SEC24A: variants seen among roughly 807,000 people sequenced by gnomAD.
SEC24A encodes SEC24 homolog A, COPII component, also known as protein transport protein Sec24A.
SEC24A carries 93 observed loss-of-function variants against 129.4 expected under a neutral mutation model. That is an observed-to-expected ratio of 0.72 (90% CI 0.61 to 0.85). The LOEUF (loss-of-function observed/expected upper bound fraction) is 0.85, where lower values mean the gene tolerates loss of function less well. Among genes scored for constraint, SEC24A ranks in the 40% least tolerant of loss-of-function variants. SEC24A has a pLI of 0.00. For synonymous variants in SEC24A, 460 were observed against 467.3 expected, an observed-to-expected ratio of 0.98 and a Z score of 0.20; for missense variants, 1,264 against 1,307.4, an observed-to-expected ratio of 0.97 and a Z score of 0.51.
chr5:134,706,026 T>C (rs1752150454), intron 17 of SEC24A, among the ~76,000 whole-genome samples: 4 of 152,228 alleles, frequency 2.6e-5, no homozygotes, highest in East Asian at 1.9e-4. Context: ...TAGCTGGGAT[T>C]ACAGGCATGC....
At chr5:134,704,945 G>C (rs1442181753) in intron 16 of SEC24A, among the ~76,000 whole-genome samples, 2 of 151,244 alleles carry the variant, frequency 1.3e-5, no homozygotes, top group Non-Finnish European at 2.9e-5. Flanking sequence ...CCAAAGTGCT[G>C]GGTGCTGGGA....
intron 3 of SEC24A, among the ~76,000 whole-genome samples, chr5:134,669,633 G>A (rs1257713535): frequency 2.0e-5 from 3 of 148,724 alleles, no homozygotes; most frequent in African/African-American, 4.9e-5. Flanking sequence ...CTGCCACCAC[G>A]CCCGGCTAAT....
At chr5:134,686,665 T>C in intron 9 of SEC24A, 125 bp from the exon 10 acceptor site, 1 of 531,050 alleles carries the variant, frequency 1.9e-6, no homozygotes, top group Non-Finnish European at 3.3e-6. Flanking sequence ...GCTTTGCCTG[T>C]TTATTATAAT....
intron 13 of SEC24A, among the ~76,000 whole-genome samples, chr5:134,694,346 A>G (rs1230647236): frequency 6.6e-6 from 1 of 152,066 alleles, no homozygotes; most frequent in Non-Finnish European, 1.5e-5. Context: ...ACCAACATGG[A>G]GAAACCCCAT....
intron 19 of SEC24A, 105 bp downstream of exon 19, chr5:134,715,266 T>G (rs1752443877): frequency 7.1e-6 from 7 of 988,192 alleles, no homozygotes; most frequent in African/African-American, 1.7e-5. Context: ...AGGCTTTAGC[T>G]TTTATTTTAT....
rs191010090 is a variant in SEC24A at position 134,675,315 on chromosome 5, A to G, written c.1151+98A>G. ...TATGAATAAGCTGTACAAATTATTA[A>G]TTTATGAAAGTTCTGGATACAGATG... On this transcript the variant is annotated intron_variant, in intron 6 of 22. Coordinates refer to ENST00000398844, the MANE Select transcript of SEC24A (RefSeq NM_021982.3). 1.1e-4 allele frequency: 101 copies of G among 911,776 alleles called. No homozygotes were observed. In the East Asian group the frequency reaches 2.4e-3, roughly 22 times the overall value. 56.5% of individuals were successfully genotyped at this position (911,776 alleles called of 1,614,324 possible).
At chr5:134,699,301 C>CTTTTTTTT (rs1208203003) in intron 15 of SEC24A, among the ~76,000 whole-genome samples, 6 of 138,420 alleles carry the variant, frequency 4.3e-5, no homozygotes, top group South Asian at 2.3e-4. Flanking sequence ...CCATTTTATC[C>CTTTTTTTT]TTTTTTTTTT....
At chr5:134,659,157 T>C (rs1008706507) in intron 1 of SEC24A, among the ~76,000 whole-genome samples, 2 of 151,526 alleles carry the variant, frequency 1.3e-5, no homozygotes, top group African/African-American at 4.8e-5. Flanking sequence ...CTGCAAGCTC[T>C]GCCTCCTGGG....
In SEC24A at chr5:134,661,582, G is replaced by A. The variant is rs1220683269; in HGVS notation, c.561G>A (p.Lys187=). The change falls in exon 2 of 23, where the codon AAG becomes AAA. Residue 187 remains lysine, a synonymous_variant. Transcript: ENST00000398844. ...GYPSLQNSFI[K]SGPSVPPLVN... ...CTTCACTTCAAAATAGCTTCATAAA[G>A]TCAGGTAGTATTCTTATAGAAGTGC... is the stretch of plus-strand genomic sequence containing the variant. 1.2e-6 allele frequency: 2 copies of A among 1,606,274 alleles called. No individual in the cohort carries two copies. The highest frequency in any genetic ancestry group is 2.7e-5 in the African/African-American group (2 of 74,706).
intron 1 of SEC24A, among the ~76,000 whole-genome samples, chr5:134,649,590 G>A (rs1749981046): frequency 6.6e-6 from 1 of 152,148 alleles, no homozygotes; most frequent in South Asian, 2.1e-4. Flanking sequence ...GTCGTACTCA[G>A]TCTGAGTTTC....
At chr5:134,689,522 G>A (rs1379585670) in intron 11 of SEC24A, among the ~76,000 whole-genome samples, 1 of 152,190 alleles carries the variant, frequency 6.6e-6, no homozygotes, top group Non-Finnish European at 1.5e-5. Context: ...CAGCACTTCA[G>A]GAGGCCGAGG....
intron 13 of SEC24A, among the ~76,000 whole-genome samples, chr5:134,696,497 A>G (rs973318081): frequency 6.6e-5 from 10 of 152,026 alleles, no homozygotes; most frequent in Non-Finnish European, 1.3e-4. Flanking sequence ...AAATTTTTAA[A>G]AAACATATAT....
At chr5:134,683,053 C>T (rs1254738141) in intron 9 of SEC24A, among the ~76,000 whole-genome samples, 1 of 151,422 alleles carries the variant, frequency 6.6e-6, no homozygotes, top group Non-Finnish European at 1.5e-5. Flanking sequence ...GACGGAGTCT[C>T]ACTCTGTCAC....
At chr5:134,711,600 G>A (rs905088593) in intron 18 of SEC24A, among the ~76,000 whole-genome samples, 6 of 129,952 alleles carry the variant, frequency 4.6e-5, no homozygotes, top group Admixed American at 8.9e-5. Flanking sequence ...GTCTCGCTAT[G>A]TCGCCCAGGC....
chr5:134,713,171 T>TC (rs1226068467), intron 18 of SEC24A, among the ~76,000 whole-genome samples: 2 of 152,066 alleles, frequency 1.3e-5, no homozygotes, highest in African/African-American at 4.8e-5. Context: ...GACCTTGTGA[T>TC]CCACCCGCCT....
intron 21 of SEC24A, among the ~76,000 whole-genome samples, chr5:134,721,692 T>C (rs2150114861): frequency 6.6e-6 from 1 of 152,006 alleles, no homozygotes; most frequent in East Asian, 1.9e-4. Flanking sequence ...AGCAACATAG[T>C]GAGACCCCAT....
At chr5:134,671,734 G>A in intron 3 of SEC24A, 75 bp from the exon 4 acceptor site, 1 of 813,134 alleles carries the variant, frequency 1.2e-6, no homozygotes, top group Non-Finnish European at 1.9e-6. Flanking sequence ...TTAAAATTTT[G>A]GATATTAGTT....
At chr5:134,650,639 G>T (rs1165083743) in intron 1 of SEC24A, among the ~76,000 whole-genome samples, 1 of 151,278 alleles carries the variant, frequency 6.6e-6, no homozygotes. Context: ...GGGTTCAAGC[G>T]ATTCTCCTGC....
chr5:134,720,983 T>C lies in SEC24A; in HGVS notation c.2971-15T>C. 1.3e-6 allele frequency: 2 copies of C among 1,518,140 alleles called. No homozygotes were observed. Among genetic ancestry groups the C allele is most frequent in the Non-Finnish European group, 1.8e-6 (2 of 1,093,788 alleles). The allele number at this position is 1,518,140 out of a possible 1,614,324, so 94.0% of individuals were successfully genotyped here. ...TGTATGCTGCATCTCAAAATAATTT[T>C]ATTCCTGTCCCTAGGTACTGATGCT... On this transcript the variant is annotated splice_polypyrimidine_tract_variant and intron_variant, in intron 20 of 22. Coordinates refer to ENST00000398844, the MANE Select transcript of SEC24A (RefSeq NM_021982.3).
Sources: gnomAD v4.1 joint callset for allele counts (sites outside exome capture counted in the v4.1 genomes callset) on GRCh38, gnomAD v4.1.1 for gene constraint, MANE v1.5 for transcripts, NCBI Gene and HGNC (gene_info 2026-07-23, HGNC 2026-07-21) for gene names.